The following RASL10B variants were observed in gnomAD, a reference collection of about 807,000 sequenced individuals.
RASL10B encodes the protein RAS like family 10 member B.
RASL10B carries 10 observed loss-of-function variants against 20.7 expected under a neutral mutation model. The observed-to-expected ratio is 0.48, with a 90% CI of 0.30 to 0.82. The LOEUF is 0.82. Ranked by LOEUF, RASL10B falls within the 40% of genes least tolerant of loss-of-function variation. The pLI, the probability that RASL10B is intolerant of heterozygous loss-of-function variation, is 0.07. For missense variants in RASL10B, 231 were observed against 295.4 expected, an observed-to-expected ratio of 0.78 and a Z score of 1.60; for synonymous variants, 110 against 123.3, an observed-to-expected ratio of 0.89 and a Z score of 0.72.
At chr17:35,734,256 A>G (rs1490695037) in intron 1 of RASL10B, among the ~76,000 whole-genome samples, 1 of 152,220 alleles carries the variant, frequency 6.6e-6, no homozygotes, top group African/African-American at 2.4e-5. Context: ...ACTGTACTCC[A>G]GCCAACTTGA....
Position 35,735,365 on chromosome 17 carries a change from C to G in RASL10B, c.181C>G (p.Pro61Ala). ...GCACGACCTCCAGATCCTCGACTTT[C>G]CACCCATCAGCGCCTTCCCTGTCAA... ...HVHDLQILDF[P>A]PISAFPVNTL... The change falls in exon 2 of 4, where the codon CCA (proline) becomes GCA (alanine). Residue 61 changes from proline to alanine, a missense_variant. Physicochemically the swap from Pro to Ala is conservative, Grantham distance 27. Transcript: ENST00000603017. The surrounding 1 kb of genome is among the most constrained non-coding windows in gnomAD (Gnocchi z 6.7). 6.2e-7 allele frequency: 1 copy of G among 1,614,232 alleles called. No homozygotes were observed. Among genetic ancestry groups the G allele is most frequent in the Non-Finnish European group, 8.5e-7 (1 of 1,180,054 alleles).
chr17:35,732,192 C>A (rs782028641), intron 1 of RASL10B, among the ~76,000 whole-genome samples: 1 of 152,180 alleles, frequency 6.6e-6, no homozygotes, highest in Non-Finnish European at 1.5e-5. Flanking sequence ...CCCAGGCGAA[C>A]GTGGTTGGAA....
intron 2 of RASL10B, 21 bp from the exon 3 acceptor site, chr17:35,740,388 T>C (rs375442958): frequency 3.8e-5 from 62 of 1,611,186 alleles, no homozygotes; most frequent in Non-Finnish European, 5.2e-5. Flanking sequence ...CTGACCCTGG[T>C]ACTGGCTGGG....
Position 35,742,806 on chromosome 17 carries a change from TAG to T in RASL10B, c.*1502_*1503del, listed in dbSNP as rs2085638300. 6.6e-6 allele frequency: 1 copy of T among 152,258 alleles called. No individual in the cohort carries two copies. Among genetic ancestry groups the T allele is most frequent in the Admixed American group, 6.5e-5 (1 of 15,276 alleles). 9.4% of individuals were successfully genotyped at this position (152,258 alleles called of 1,614,324 possible). A position where few individuals can be genotyped will look rare whatever the true frequency, so the allele number is the denominator to read the frequency against. On this transcript the variant is annotated 3_prime_UTR_variant, in exon 4 of 4. Coordinates refer to ENST00000603017, the MANE Select transcript of RASL10B (RefSeq NM_033315.4). ...GAGGACAACTCCGCTTTGGCCAACCTAGCCAAGGCTGCAGCATATAGACCAGG... is the reference window on the plus strand; with the variant it reads ...GAGGACAACTCCGCTTTGGCCAACCTCCAAGGCTGCAGCATATAGACCAGG...
At position 35,740,681 on chromosome 17, in the gene RASL10B, G is replaced by T. The variant is rs189941270; in HGVS notation, c.341+148G>T. ...ATACACTCAAACATGCATACATTGT[G>T]CTGTTCCCATTTCTGTCAACTCATG... On this transcript the variant is annotated intron_variant, in intron 3 of 3. Coordinates refer to ENST00000603017, the MANE Select transcript of RASL10B (RefSeq NM_033315.4). 1.8e-5 allele frequency: 19 copies of T among 1,054,090 alleles called. No individual in the cohort carries two copies. In the Admixed American group the frequency reaches 4.5e-4, roughly 25 times the overall value. 65.3% of individuals were successfully genotyped at this position (1,054,090 alleles called of 1,614,324 possible). A position where few individuals can be genotyped will look rare whatever the true frequency, so the allele number is the denominator to read the frequency against.
In RASL10B at chr17:35,735,322, C is replaced by T. The variant is rs782308755; in HGVS notation, c.138C>T (p.Val46=). ...TTARRLYLPA[V]VMNGHVHDLQ... ...CCCGCCGCCTTTACCTGCCTGCTGTCGTCATGAACGGCCACGTGCACGACC... is the reference window on the plus strand; with the variant it reads ...CCCGCCGCCTTTACCTGCCTGCTGTTGTCATGAACGGCCACGTGCACGACC... Residue 46 remains valine (V), a synonymous_variant, in exon 2 of 4, where the codon GTC becomes GTT. Transcript: ENST00000603017. This position sits in a 1 kb window ranked among gnomAD's most constrained non-coding sequence, Gnocchi z 6.7. 12 of 1,614,172 alleles carry T rather than the reference C, an allele frequency of 7.4e-6. No homozygotes were observed. The highest frequency in any genetic ancestry group is 4.4e-5 in the South Asian group (4 of 91,082).
intron 2 of RASL10B, among the ~76,000 whole-genome samples, chr17:35,738,582 G>A (rs587739263): frequency 3.8e-4 from 58 of 152,280 alleles, no homozygotes; most frequent in Admixed American, 1.2e-3. Flanking sequence ...GCAGGTGGCT[G>A]AGCCTTGTCC....
At position 35,735,451 on chromosome 17, in the gene RASL10B, G is replaced by T; in HGVS notation, c.216+51G>T. ...TTAGTGGGGAAACGGATGGGTAGGG[G>T]AGAGGCTGGATTCCAAACTGCTGTA... is the stretch of plus-strand genomic sequence containing the variant. On this transcript the variant is annotated intron_variant, in intron 2 of 3. Coordinates refer to ENST00000603017, the MANE Select transcript of RASL10B (RefSeq NM_033315.4). The surrounding 1 kb of genome is among the most constrained non-coding windows in gnomAD (Gnocchi z 6.7). 2 of 1,579,034 alleles carry T rather than the reference G, an allele frequency of 1.3e-6. No homozygotes were observed. Among genetic ancestry groups the T allele is most frequent in the Non-Finnish European group, 1.7e-6 (2 of 1,151,822 alleles).
At position 35,742,457 on chromosome 17, in the gene RASL10B, G is replaced by A. The variant is rs1555598145; in HGVS notation, c.*1152G>A. On this transcript the variant is annotated 3_prime_UTR_variant, in exon 4 of 4. Coordinates refer to ENST00000603017, the MANE Select transcript of RASL10B (RefSeq NM_033315.4). ...CATCTTCCTCCTGCCACAGATGGAG[G>A]CCCTCAGGATCTGACACCCTCTTGT... is the stretch of plus-strand genomic sequence containing the variant. 6.5e-6 allele frequency: 1 copy of A among 152,700 alleles called. No homozygotes were observed. Among genetic ancestry groups the A allele is most frequent in the African/African-American group, 2.4e-5 (1 of 41,414 alleles). The allele number at this position is 152,700 out of a possible 1,614,324, so 9.5% of individuals were successfully genotyped here. A position where few individuals can be genotyped will look rare whatever the true frequency, so the allele number is the denominator to read the frequency against.
chr17:35,735,207 C>T lies in RASL10B; in HGVS notation c.23C>T (p.Ala8Val), dbSNP rs868990559. Residue 8 changes from alanine to valine, a missense_variant, in exon 2 of 4, where the codon GCC becomes GTC. Transcript: ENST00000603017. This position sits in a 1 kb window ranked among gnomAD's most constrained non-coding sequence, Gnocchi z 6.7. ...GGCATGGTCTCCACCTACCGGGTGGCCGTGCTGGGGGCGCGAGGTGTGGGC... is the reference window on the plus strand; with the variant it reads ...GGCATGGTCTCCACCTACCGGGTGGTCGTGCTGGGGGCGCGAGGTGTGGGC... MVSTYRVAVLGARGVGKS... is the reference protein window; with the variant it reads MVSTYRVVVLGARGVGKS... 1.2e-6 allele frequency: 2 copies of T among 1,611,268 alleles called. No individual in the cohort carries two copies. Among genetic ancestry groups the T allele is most frequent in the Non-Finnish European group, 1.7e-6 (2 of 1,179,720 alleles).
In RASL10B at chr17:35,741,506, G is replaced by A; in HGVS notation, c.*201G>A. The A allele has an allele frequency of 1.3e-6, 1 of 786,928 alleles. No individual in the cohort carries two copies. The highest frequency in any genetic ancestry group is 1.8e-6 in the Non-Finnish European group (1 of 552,864). 48.7% of individuals were successfully genotyped at this position (786,928 alleles called of 1,614,324 possible). On this transcript the variant is annotated 3_prime_UTR_variant, in exon 4 of 4. Coordinates refer to ENST00000603017, the MANE Select transcript of RASL10B (RefSeq NM_033315.4). Reference sequence around the variant, plus strand: ...GCCCAGCCCTGCCCCTTGCCCCCGTGGCTTCCTGGGACAGCCGCCTTCAGT... The same window carrying A: ...GCCCAGCCCTGCCCCTTGCCCCCGTAGCTTCCTGGGACAGCCGCCTTCAGT...
chr17:35,739,402 T>C (rs1186641396), intron 2 of RASL10B, among the ~76,000 whole-genome samples: 4 of 151,998 alleles, frequency 2.6e-5, no homozygotes, highest in Admixed American at 2.6e-4. Flanking sequence ...CCCCCTTCTT[T>C]CCACACACTG....
rs11306545 is a variant in RASL10B, at chr17:35,742,098, CTT to C, written c.*804_*805del. On this transcript the variant is annotated 3_prime_UTR_variant, in exon 4 of 4. Coordinates refer to ENST00000603017, the MANE Select transcript of RASL10B (RefSeq NM_033315.4). Reference sequence around the variant, plus strand: ...CACCCCCTGGGTTAAAACTTTTTTTCTTTTTTTTTTTTGGACAGAGTGTGGAA... The same window carrying C: ...CACCCCCTGGGTTAAAACTTTTTTTCTTTTTTTTTTGGACAGAGTGTGGAA... 1.6e-4 allele frequency: 23 copies of C among 146,784 alleles called. No homozygotes were observed. The highest frequency in any genetic ancestry group is 2.0e-4 in the East Asian group (1 of 5,024). The allele number at this position is 146,784 out of a possible 1,614,324, so 9.1% of individuals were successfully genotyped here.
intron 1 of RASL10B, 115 bp downstream of exon 1, chr17:35,731,993 G>T (rs1188097745): frequency 1.4e-5 from 2 of 145,786 alleles, no homozygotes; most frequent in African/African-American, 5.0e-5. Context: ...GGGCGTCCGG[G>T]ACTAGGAGGG....
chr17:35,732,789 G>A (rs781887479), intron 1 of RASL10B, among the ~76,000 whole-genome samples: 1 of 152,060 alleles, frequency 6.6e-6, no homozygotes, highest in Non-Finnish European at 1.5e-5. Context: ...TCTTCTTGGC[G>A]TTCCTTGCCC....
Position 35,741,731 on chromosome 17 carries a change from C to A in RASL10B, c.*426C>A, listed in dbSNP as rs587688642. 6.4e-5 allele frequency: 11 copies of A among 172,790 alleles called. No homozygotes were observed. In the South Asian group the frequency reaches 2.1e-3, roughly 33 times the overall value. The allele number at this position is 172,790 out of a possible 1,614,324, so 10.7% of individuals were successfully genotyped here. On this transcript the variant is annotated 3_prime_UTR_variant, in exon 4 of 4. Transcript: ENST00000603017. ...CACCCCAGCGTCTGTTGGTACTTAC[C>A]TGTCTCACCTACCCTCCAGTCCCCT...
intron 2 of RASL10B, among the ~76,000 whole-genome samples, chr17:35,739,853 T>C (rs2085618354): frequency 6.6e-6 from 1 of 152,186 alleles, no homozygotes. Flanking sequence ...GGCCTGGCTG[T>C]GGCCTTCTCA....
intron 3 of RASL10B, 95 bp from the exon 4 acceptor site, chr17:35,740,940 G>T: frequency 9.7e-7 from 1 of 1,032,248 alleles, no homozygotes; most frequent in Non-Finnish European, 1.4e-6. Flanking sequence ...CAGAACCTAC[G>T]GTGGTGGTAG....
At chr17:35,739,002 T>C (rs1335046713) in intron 2 of RASL10B, among the ~76,000 whole-genome samples, 1 of 152,204 alleles carries the variant, frequency 6.6e-6, no homozygotes, top group African/African-American at 2.4e-5. Flanking sequence ...CAGTCTTCCC[T>C]GGCCTAAGAA....
Sources: gnomAD v4.1 joint callset for allele counts (sites outside exome capture counted in the v4.1 genomes callset) on GRCh38, gnomAD v4.1.1 for gene constraint, Gnocchi (gnomAD v3.1) non-coding constraint, MANE v1.5 for transcripts, NCBI Gene and HGNC (gene_info 2026-07-23, HGNC 2026-07-21) for gene names.